FZD6: variants seen among roughly 807,000 people sequenced by gnomAD.
FZD6 encodes frizzled class receptor 6.
In FZD6, 49 loss-of-function variants were observed where a neutral mutation model predicts 61.4. That is an observed-to-expected ratio of 0.80 (90% CI 0.63 to 1.01). The LOEUF (loss-of-function observed/expected upper bound fraction) is 1.01. FZD6 is among the 50% of genes least tolerant of loss of function. FZD6 has a pLI of 0.00. For missense variants in FZD6, 724 were observed against 848.2 expected, an observed-to-expected ratio of 0.85 and a Z score of 1.82; for synonymous variants, 265 against 292.2, an observed-to-expected ratio of 0.91 and a Z score of 0.95.
chr8:103,323,164 A>G (rs1320063600), intron 3 of FZD6, among the ~76,000 whole-genome samples: 14 of 152,214 alleles, frequency 9.2e-5, no homozygotes, highest in African/African-American at 2.7e-4. Context: ...AATGTAATAA[A>G]AATATTTTAA....
At chr8:103,326,623 A>T (rs1814957334) in intron 4 of FZD6, among the ~76,000 whole-genome samples, 1 of 151,656 alleles carries the variant, frequency 6.6e-6, no homozygotes, top group Non-Finnish European at 1.5e-5. Flanking sequence ...ATATTCCTGT[A>T]GTTGTAGAAA....
chr8:103,329,801 G>C lies in FZD6; in HGVS notation c.1688G>C (p.Gly563Ala). Residue 563 changes from glycine (G) to alanine (A), a missense_variant, in exon 6 of 7, where the codon GGA becomes GCA. Physicochemically the swap from Gly to Ala is moderately conservative, Grantham distance 60 (BLOSUM62 0). Coordinates refer to ENST00000358755, the MANE Select transcript of FZD6 (RefSeq NM_003506.4). ...VISKSMGTSTGATANHGTSAV... is the reference protein window; with the variant it reads ...VISKSMGTSTAATANHGTSAV... ...TCCAAATCCATGGGAACCAGCACAGGAGCTACAGCAAATCATGGCACTTCT... is the reference window on the plus strand; with the variant it reads ...TCCAAATCCATGGGAACCAGCACAGCAGCTACAGCAAATCATGGCACTTCT... 1 of 1,614,170 alleles carries C rather than the reference G, an allele frequency of 6.2e-7. No homozygotes were observed. The highest frequency in any genetic ancestry group is 8.5e-7 in the Non-Finnish European group (1 of 1,180,012).
At chr8:103,305,056 C>G (rs1463438856) in intron 2 of FZD6, among the ~76,000 whole-genome samples, 4 of 152,196 alleles carry the variant, frequency 2.6e-5, no homozygotes, top group Non-Finnish European at 5.9e-5. Flanking sequence ...CAGTCTAACT[C>G]TCCCAAGTGG....
Position 103,332,863 on chromosome 8 carries a change from A to C in FZD6, c.*1354A>C, listed in dbSNP as rs191837768. The C allele has an allele frequency of 2.6e-5, 4 of 152,566 alleles. No homozygotes were observed. The East Asian group carries it at 7.7e-4, about 29-fold the overall frequency. The allele number at this position is 152,566 out of a possible 1,614,324, so 9.5% of individuals were successfully genotyped here. A position where few individuals can be genotyped will look rare whatever the true frequency, so the allele number is the denominator to read the frequency against. On this transcript the variant is annotated 3_prime_UTR_variant, in exon 7 of 7. Transcript: ENST00000358755. ...TCATTAATAAAATTATCTTTGTATA[A>C]GAATTATGGAGTATTCTGTGGTTAG...
chr8:103,318,073 A>G (rs1045115926), intron 2 of FZD6, among the ~76,000 whole-genome samples: 2 of 152,152 alleles, frequency 1.3e-5, no homozygotes, highest in African/African-American at 4.8e-5. Context: ...CACAGTAGAC[A>G]TGGGGACTGG....
intron 4 of FZD6, among the ~76,000 whole-genome samples, chr8:103,327,854 A>T (rs1814998103): frequency 6.6e-6 from 1 of 152,070 alleles, no homozygotes; most frequent in African/African-American, 2.4e-5. Flanking sequence ...ATAAATATTA[A>T]TAACGTATAA....
At chr8:103,318,253 G>A (rs1814686556) in intron 2 of FZD6, among the ~76,000 whole-genome samples, 1 of 152,138 alleles carries the variant, frequency 6.6e-6, no homozygotes, top group African/African-American at 2.4e-5. Flanking sequence ...GTGCAAAAGG[G>A]GCCTCAAGAG....
chr8:103,312,466 T>A (rs978938537), intron 2 of FZD6, among the ~76,000 whole-genome samples: 2 of 152,202 alleles, frequency 1.3e-5, no homozygotes, highest in Non-Finnish European at 2.9e-5. Flanking sequence ...ATTCATAGAT[T>A]TGCACTTTAA....
rs1347191398 is a variant in FZD6, at chr8:103,318,526, A to G, written c.178-64A>G. ...AAAAAGCATATACTTTAAACAGTAA[A>G]TATATTAATTTTATTCATTTGTTAT... On this transcript the variant is annotated intron_variant, in intron 2 of 6. Transcript: ENST00000358755. 15 of 919,474 alleles carry G rather than the reference A, an allele frequency of 1.6e-5. No homozygotes were observed. In the East Asian group the frequency reaches 3.9e-4, roughly 24 times the overall value. The allele number at this position is 919,474 out of a possible 1,614,324, so 57.0% of individuals were successfully genotyped here.
In FZD6 at chr8:103,332,641, GTAT is replaced by G. The variant is rs771844178; in HGVS notation, c.*1137_*1139del. 7 of 152,452 alleles carry G rather than the reference GTAT, an allele frequency of 4.6e-5. No homozygotes were observed. Among genetic ancestry groups the G allele is most frequent in the Non-Finnish European group, 8.8e-5 (6 of 67,984 alleles). 9.4% of individuals were successfully genotyped at this position (152,452 alleles called of 1,614,324 possible). A position where few individuals can be genotyped will look rare whatever the true frequency, so the allele number is the denominator to read the frequency against. On this transcript the variant is annotated 3_prime_UTR_variant, in exon 7 of 7. Coordinates refer to ENST00000358755, the MANE Select transcript of FZD6 (RefSeq NM_003506.4). Reference sequence around the variant, plus strand: ...TTTTCTTAATTTTGTTTCCTATTAAGTATTATTCTTTGGGCAAGATTTTCTGAT... The same window carrying G: ...TTTTCTTAATTTTGTTTCCTATTAAGTATTCTTTGGGCAAGATTTTCTGAT...
chr8:103,303,274 A>G (rs938740537), intron 2 of FZD6, among the ~76,000 whole-genome samples: 2 of 152,166 alleles, frequency 1.3e-5, no homozygotes, highest in Admixed American at 1.3e-4. Context: ...CTGTATCTTT[A>G]CACACACTCT....
At chr8:103,304,006 G>C (rs2130266411) in intron 2 of FZD6, among the ~76,000 whole-genome samples, 1 of 151,540 alleles carries the variant, frequency 6.6e-6, no homozygotes, top group Admixed American at 6.6e-5. Context: ...CTTGTAACTT[G>C]GCTTTTACTA....
At chr8:103,312,368 CTGGG>C (rs1370214054) in intron 2 of FZD6, among the ~76,000 whole-genome samples, 19 of 152,244 alleles carry the variant, frequency 1.2e-4, no homozygotes, top group African/African-American at 4.3e-4. Flanking sequence ...CATGAAAGCA[CTGGG>C]TTACTAAGAG....
rs1436246674 is a variant in FZD6, at chr8:103,329,549, T to C, written c.1542-106T>C. On this transcript the variant is annotated intron_variant, in intron 5 of 6. Transcript: ENST00000358755. ...ATATAAACCATAGAATTTTCAACTT[T>C]AGTGACTAAGGATTTTTGGCAAAAG... 6.8e-6 allele frequency: 5 copies of C among 735,018 alleles called. No homozygotes were observed. In the East Asian group the frequency reaches 1.1e-4, roughly 16 times the overall value. 45.5% of individuals were successfully genotyped at this position (735,018 alleles called of 1,614,324 possible). A position where few individuals can be genotyped will look rare whatever the true frequency, so the allele number is the denominator to read the frequency against.
At chr8:103,301,082 T>C (rs915472187) in intron 2 of FZD6, among the ~76,000 whole-genome samples, 7 of 152,192 alleles carry the variant, frequency 4.6e-5, no homozygotes, top group African/African-American at 9.7e-5. Flanking sequence ...AAGGCTTTTT[T>C]CCCTCAGATT....
At chr8:103,310,431 C>T (rs561580749) in intron 2 of FZD6, among the ~76,000 whole-genome samples, 2 of 152,134 alleles carry the variant, frequency 1.3e-5, no homozygotes, top group African/African-American at 2.4e-5. Flanking sequence ...GCATTGACAA[C>T]CTGCTATTTT....
At chr8:103,300,419 T>C in intron 2 of FZD6, 135 bp downstream of exon 2, 1 of 747,534 alleles carries the variant, frequency 1.3e-6, no homozygotes, top group Non-Finnish European at 2.4e-6. Context: ...AAAGTCCTTT[T>C]GAAAATTAAA....
intron 2 of FZD6, among the ~76,000 whole-genome samples, chr8:103,303,125 T>C (rs887253561): frequency 7.2e-5 from 11 of 152,156 alleles, no homozygotes; most frequent in Admixed American, 7.2e-4. Context: ...AAGACCTGGT[T>C]CTAGAGCACT....
chr8:103,329,662 A>C lies in FZD6; in HGVS notation c.1549A>C (p.Ser517Arg). 1 of 1,603,736 alleles carries C rather than the reference A, an allele frequency of 6.2e-7. No individual in the cohort carries two copies. The highest frequency in any genetic ancestry group is 8.5e-7 in the Non-Finnish European group (1 of 1,170,790). ...FKRNRKRDPI[S>R]ESRRVLQESC... is the part of the protein sequence containing the mutation. ...CCTTCAATTTTCTTATAGTCCAATC[A>C]GTGAAAGTCGAAGAGTACTACAGGA... The change falls in exon 6 of 7, where the codon AGT (serine) becomes CGT (arginine). Residue 517 changes from serine (S) to arginine (R), a missense_variant. Ser to Arg is a moderately radical substitution (Grantham distance 110). Coordinates refer to ENST00000358755, the MANE Select transcript of FZD6 (RefSeq NM_003506.4).
Sources: gnomAD v4.1 joint callset for allele counts (sites outside exome capture counted in the v4.1 genomes callset) on GRCh38, gnomAD v4.1.1 for gene constraint, MANE v1.5 for transcripts, NCBI Gene and HGNC (gene_info 2026-07-23, HGNC 2026-07-21) for gene names.